SPTBN1: variants seen among roughly 807,000 people sequenced by gnomAD.
SPTBN1 encodes the protein spectrin beta, non-erythrocytic 1, also known as spectrin beta chain, non-erythrocytic 1.
In SPTBN1, 32 loss-of-function variants were observed where a neutral mutation model predicts 266.4. The observed-to-expected ratio is 0.12, with a 90% CI of 0.09 to 0.16. The LOEUF is 0.16. Ranked by LOEUF, SPTBN1 falls within the 10% of genes least tolerant of loss-of-function variation. The pLI, the probability that SPTBN1 is intolerant of heterozygous loss-of-function variation, is 1.00. For synonymous variants in SPTBN1, 1,336 were observed against 1,162.2 expected, an observed-to-expected ratio of 1.15 and a Z score of -3.04; for missense variants, 2,296 against 3,067.1, an observed-to-expected ratio of 0.75 and a Z score of 5.94.
intron 3 of SPTBN1, among the ~76,000 whole-genome samples, chr2:54,605,002 T>C (rs1676746634): frequency 6.6e-6 from 1 of 152,180 alleles, no homozygotes; most frequent in Non-Finnish European, 1.5e-5. Context: ...CACATGTTGC[T>C]GTGGGGACGG....
intron 32 of SPTBN1, chr2:54,663,544 A>G (rs886711052): frequency 6.6e-6 from 1 of 152,252 alleles, no homozygotes; most frequent in Non-Finnish European, 1.5e-5. Context: ...GAGCTTGGGA[A>G]GGAACGCTCC....
At chr2:54,510,482 CAG>C (rs1469716962) in intron 1 of SPTBN1, among the ~76,000 whole-genome samples, 5 of 152,216 alleles carry the variant, frequency 3.3e-5, no homozygotes, top group Non-Finnish European at 7.3e-5. Context: ...TCTCTCTGTG[CAG>C]AGTCATAGAA....
At chr2:54,568,157 G>T (rs1473391074) in intron 2 of SPTBN1, among the ~76,000 whole-genome samples, 2 of 152,030 alleles carry the variant, frequency 1.3e-5, no homozygotes, top group African/African-American at 2.4e-5. Flanking sequence ...GAGGCGGGCG[G>T]ATCACCAGAG....
intron 2 of SPTBN1, among the ~76,000 whole-genome samples, chr2:54,575,600 T>C (rs1674406386): frequency 6.6e-6 from 1 of 152,194 alleles, no homozygotes; most frequent in African/African-American, 2.4e-5. Context: ...TATTGAGCGT[T>C]GACATATCAG....
At chr2:54,547,138 A>T (rs751607986) in intron 2 of SPTBN1, among the ~76,000 whole-genome samples, 1 of 152,110 alleles carries the variant, frequency 6.6e-6, no homozygotes, top group Non-Finnish European at 1.5e-5. Context: ...CCCTTCCCCC[A>T]GCTCCTGGCA....
At chr2:54,606,862 G>A (rs984368276) in intron 3 of SPTBN1, among the ~76,000 whole-genome samples, 2 of 152,184 alleles carry the variant, frequency 1.3e-5, no homozygotes, top group Non-Finnish European at 2.9e-5. Context: ...TGGAGAGAGA[G>A]CACCAGTGTT....
chr2:54,470,360 T>A (rs1313307570), intron 1 of SPTBN1, among the ~76,000 whole-genome samples: 1 of 152,196 alleles, frequency 6.6e-6, no homozygotes, highest in Non-Finnish European at 1.5e-5. Flanking sequence ...AAGGAAACTT[T>A]GTTCACGTGA....
rs1047613890 is a variant in SPTBN1, at chr2:54,662,343, A to C, written c.6421-2110A>C. ...TTTTCTTGGTTAGTGATTCATTTGC[A>C]TAAACATTAATGATCTCTGCATACT... On this transcript the variant is annotated intron_variant, in intron 32 of 35. Coordinates refer to ENST00000356805, the MANE Select transcript of SPTBN1 (RefSeq NM_003128.3). 46 of 983,054 alleles carry C rather than the reference A, an allele frequency of 4.7e-5. No homozygotes were observed. The African/African-American group carries it at 7.3e-4, about 16-fold the overall frequency. 60.9% of individuals were successfully genotyped at this position (983,054 alleles called of 1,614,324 possible). A position where few individuals can be genotyped will look rare whatever the true frequency, so the allele number is the denominator to read the frequency against.
At chr2:54,526,642 C>A (rs1670834173) in intron 2 of SPTBN1, 76 bp downstream of exon 2, 27 of 1,503,978 alleles carry the variant, frequency 1.8e-5, no homozygotes, top group Non-Finnish European at 2.2e-5. Context: ...CCACCCTGTT[C>A]CCATGACGCT....
At position 54,547,225 on chromosome 2, in the gene SPTBN1, T is replaced by G. The variant is rs1672300146; in HGVS notation, c.148+20659T>G. On this transcript the variant is annotated intron_variant, in intron 2 of 35. Transcript: ENST00000356805. ...TGTAAGTGGAATCATGTAATATTTG[T>G]TTTTTTTCTAACTGGCTTATTTCAT... is the stretch of plus-strand genomic sequence containing the variant. Among the ~76,000 whole-genome samples the G allele has an allele frequency of 2.6e-5, 4 of 152,028 alleles. No individual in the cohort carries two copies. In the South Asian group the frequency reaches 8.3e-4, roughly 32 times the overall value.
At chr2:54,559,289 C>T (rs1271338210) in intron 2 of SPTBN1, among the ~76,000 whole-genome samples, 1 of 152,172 alleles carries the variant, frequency 6.6e-6, no homozygotes. Context: ...GTGCCGTGCT[C>T]AGACCCAGTC....
intron 3 of SPTBN1, among the ~76,000 whole-genome samples, chr2:54,600,440 A>G (rs1336044962): frequency 6.6e-6 from 1 of 151,754 alleles, no homozygotes; most frequent in South Asian, 2.1e-4. Flanking sequence ...GACAAACTAG[A>G]CAAATAACGG....
chr2:54,529,718 A>G, intron 2 of SPTBN1: 1 of 710,878 alleles, frequency 1.4e-6, no homozygotes, highest in East Asian at 2.7e-5. Context: ...GGCCAAGGTC[A>G]ACACCCTGAT....
chr2:54,570,405 A>G (rs773555992), intron 2 of SPTBN1, among the ~76,000 whole-genome samples: 7 of 152,220 alleles, frequency 4.6e-5, no homozygotes, highest in Non-Finnish European at 1.5e-5. Context: ...TGCAAGTGGA[A>G]AGTTAATTTG....
chr2:54,520,011 A>G (rs1259654759), intron 1 of SPTBN1, among the ~76,000 whole-genome samples: 6 of 152,130 alleles, frequency 3.9e-5, no homozygotes, highest in Non-Finnish European at 5.9e-5. Context: ...AGGCGGAGTT[A>G]GTGATTGTTA....
At chr2:54,594,808 G>A (rs989447695) in intron 2 of SPTBN1, among the ~76,000 whole-genome samples, 1 of 143,138 alleles carries the variant, frequency 7.0e-6, no homozygotes, top group Non-Finnish European at 1.5e-5. Flanking sequence ...GAGATTTTAC[G>A]ATTCCATGAC....
At position 54,649,331 on chromosome 2, in the gene SPTBN1, C is replaced by A. The variant is rs1286631741; in HGVS notation, c.5202+141C>A. 5 of 1,059,010 alleles carry A rather than the reference C, an allele frequency of 4.7e-6. No individual in the cohort carries two copies. Among genetic ancestry groups the A allele is most frequent in the Non-Finnish European group, 5.3e-6 (4 of 753,260 alleles). 65.6% of individuals were successfully genotyped at this position (1,059,010 alleles called of 1,614,324 possible). A position where few individuals can be genotyped will look rare whatever the true frequency, so the allele number is the denominator to read the frequency against. On this transcript the variant is annotated intron_variant, in intron 25 of 35. Coordinates refer to ENST00000356805, the MANE Select transcript of SPTBN1 (RefSeq NM_003128.3). This position sits in a 1 kb window ranked among gnomAD's most constrained non-coding sequence, Gnocchi z 6.7. The stretch of plus-strand genomic sequence containing the variant: ...GGGGTTTAGTTTTAAGGTGGTGTTT[C>A]TTTTATAAGCTGGTGACTCGCATTT...
At chr2:54,545,886 C>A (rs149611207) in intron 2 of SPTBN1, among the ~76,000 whole-genome samples, 237 of 152,164 alleles carry the variant, frequency 1.6e-3, no homozygotes, top group Non-Finnish European at 2.8e-3. Flanking sequence ...CATTTTTTTC[C>A]TGGTGGTTTC....
chr2:54,655,939 C>T lies in SPTBN1; in HGVS notation c.5987C>T (p.Thr1996Met), dbSNP rs749969944. 3 of 1,612,540 alleles carry T rather than the reference C, an allele frequency of 1.9e-6. No homozygotes were observed. The highest frequency in any genetic ancestry group is 2.5e-6 in the Non-Finnish European group (3 of 1,179,122). ...ATCAAGGAAAAATTACTGCAGTTGA[C>T]GGAAAAGAGGAAAGAAATGATCGAC... ...EEIKEKLLQL[T>M]EKRKEMIDKW... Residue 1996 changes from threonine to methionine, a missense_variant, in exon 29 of 36, where the codon ACG (threonine) becomes ATG (methionine). Thr to Met is a moderately conservative substitution (Grantham distance 81). Transcript: ENST00000356805.
Sources: gnomAD v4.1 joint callset for allele counts (sites outside exome capture counted in the v4.1 genomes callset) on GRCh38, gnomAD v4.1.1 for gene constraint, Gnocchi (gnomAD v3.1) non-coding constraint, MANE v1.5 for transcripts, NCBI Gene and HGNC (gene_info 2026-07-23, HGNC 2026-07-21) for gene names.